Variants in CREBBP observed in about 807,000 individuals in gnomAD.
CREBBP encodes the protein CREB binding lysine acetyltransferase.
Under a neutral mutation model 265.0 loss-of-function variants are expected in CREBBP, and 19 were observed. That is an observed-to-expected ratio of 0.07 (90% CI 0.05 to 0.11). The LOEUF (loss-of-function observed/expected upper bound fraction) is 0.11. Ranked by LOEUF, CREBBP falls within the 10% of genes least tolerant of loss-of-function variation. The pLI, the probability that CREBBP is intolerant of heterozygous loss-of-function variation, is 1.00. For synonymous variants in CREBBP, 1,457 were observed against 1,223.7 expected, an observed-to-expected ratio of 1.19 and a Z score of -3.98; for missense variants, 2,525 against 3,219.0, an observed-to-expected ratio of 0.78 and a Z score of 5.22.
chr16:3,731,270 C>A lies in CREBBP; in HGVS notation c.5094G>T (p.Gln1698His). ...TLCMLVELHTQGQDRFVYTCN... is the reference protein window; with the variant it reads ...TLCMLVELHTHGQDRFVYTCN... The stretch of plus-strand genomic sequence containing the variant: ...AGGTGTAGACAAAGCGGTCCTGGCC[C>A]TGGGTGTGCAGCTCCACCAGCATGC... Residue 1698 changes from glutamine (Q) to histidine (H), a missense_variant, in exon 30 of 31, where the codon CAG becomes CAT. By Grantham distance (24) the Gln-to-His change is conservative. Transcript: ENST00000262367. This position sits in a 1 kb window ranked among gnomAD's most constrained non-coding sequence, Gnocchi z 7.7. The A allele has an allele frequency of 1.2e-6, 2 of 1,614,204 alleles. No individual in the cohort carries two copies. The highest frequency in any genetic ancestry group is 1.7e-6 in the Non-Finnish European group (2 of 1,180,038).
In CREBBP at chr16:3,838,763, G is replaced by A. The variant is rs139608356; in HGVS notation, c.798+11534C>T. ...AGGATTTTGATCTGTTGCCCGGGCT[G>A]GTGTCAAATTCCTGGCCTAAAGCAA... is the stretch of plus-strand genomic sequence containing the variant. On this transcript the variant is annotated intron_variant, in intron 2 of 30. Transcript: ENST00000262367. Among the ~76,000 whole-genome samples the A allele has an allele frequency of 5.3e-3, 811 of 152,208 alleles. 10 individuals are homozygous for A. The highest frequency in any genetic ancestry group is 0.018 in the African/African-American group (762 of 41,518).
intron 2 of CREBBP, among the ~76,000 whole-genome samples, chr16:3,849,424 T>TGTG (rs2054747198): frequency 6.8e-4 from 5 of 7,402 alleles, no homozygotes; most frequent in African/African-American, 8.1e-4. Context: ...TGTGTGTGTG[T>TGTG]GTGTGTGTGT....
intron 28 of CREBBP, 57 bp downstream of exon 28, chr16:3,735,979 C>T (rs529502565): frequency 3.7e-6 from 6 of 1,613,860 alleles, no homozygotes; most frequent in Non-Finnish European, 5.1e-6. Context: ...TCCCAGCCTG[C>T]CACCCTGCAG....
At chr16:3,820,554 TAGC>T (rs1359386077) in intron 2 of CREBBP, among the ~76,000 whole-genome samples, 1 of 152,216 alleles carries the variant, frequency 6.6e-6, no homozygotes, top group African/African-American at 2.4e-5. Flanking sequence ...ACAAAGTATT[TAGC>T]AACTCTCACT....
At chr16:3,837,385 G>A (rs1335248444) in intron 2 of CREBBP, among the ~76,000 whole-genome samples, 1 of 152,184 alleles carries the variant, frequency 6.6e-6, no homozygotes, top group Non-Finnish European at 1.5e-5. Context: ...GGAGGCCGAG[G>A]CGGGCAGACT....
chr16:3,814,208 T>A (rs2053992658), intron 2 of CREBBP, among the ~76,000 whole-genome samples: 1 of 138,834 alleles, frequency 7.2e-6, no homozygotes, highest in African/African-American at 2.8e-5. Context: ...TGAGACAGAG[T>A]CTCGTTCTGT....
chr16:3,763,758 C>G (rs1458401223), intron 16 of CREBBP, among the ~76,000 whole-genome samples: 1 of 152,182 alleles, frequency 6.6e-6, no homozygotes, highest in Non-Finnish European at 1.5e-5. Context: ...GCCACTGCGC[C>G]CGGCCTGAAA....
intron 21 of CREBBP, chr16:3,745,652 T>TC: frequency 2.2e-6 from 1 of 454,412 alleles, no homozygotes; most frequent in South Asian, 2.1e-5. Flanking sequence ...AAATACATAT[T>TC]TCACAGGCCG....
chr16:3,836,204 G>A (rs1298912628), intron 2 of CREBBP, among the ~76,000 whole-genome samples: 1 of 151,914 alleles, frequency 6.6e-6, no homozygotes, highest in Non-Finnish European at 1.5e-5. Context: ...GGGAGGCTGA[G>A]GTGGGCGGAT....
rs556238782 is a variant in CREBBP at position 3,752,306 on chromosome 16, A to T, written c.3699-500T>A. Among the ~76,000 whole-genome samples, 3 of 152,340 alleles carry T rather than the reference A, an allele frequency of 2.0e-5. No homozygotes were observed. The East Asian group carries it at 5.8e-4, about 29-fold the overall frequency. On this transcript the variant is annotated intron_variant, in intron 19 of 30. Coordinates refer to ENST00000262367, the MANE Select transcript of CREBBP (RefSeq NM_004380.3). ...ACAAAACAGTCTGACAAAAGGCCTT[A>T]AAAAAGCAATTTAAACTGAAATAGC... is the stretch of plus-strand genomic sequence containing the variant.
At chr16:3,743,552 A>G (rs1324512097) in intron 23 of CREBBP, 1 of 152,132 alleles carries the variant, frequency 6.6e-6, no homozygotes, top group Non-Finnish European at 1.5e-5. Flanking sequence ...GGATCTCCTG[A>G]GCAACATGCT....
intron 30 of CREBBP, 123 bp from the exon 31 acceptor site, chr16:3,729,997 A>G (rs2051868552): frequency 6.7e-7 from 1 of 1,499,998 alleles, no homozygotes; most frequent in Non-Finnish European, 9.0e-7. Context: ...AGGATAGGAG[A>G]CCCAGACAGG....
In CREBBP at chr16:3,834,276, A is replaced by G. The variant is rs1470302260; in HGVS notation, c.798+16021T>C. Among the ~76,000 whole-genome samples the G allele has an allele frequency of 2.0e-5, 3 of 152,324 alleles. No homozygotes were observed. The East Asian group carries it at 5.8e-4, about 29-fold the overall frequency. On this transcript the variant is annotated intron_variant, in intron 2 of 30. Coordinates refer to ENST00000262367, the MANE Select transcript of CREBBP (RefSeq NM_004380.3). ...AATTGTGCTCACTGGTATTTACCCA[A>G]AACAGGTAAAAACTTAAACCTGCAC...
chr16:3,873,848 A>C (rs1939555694), intron 1 of CREBBP, among the ~76,000 whole-genome samples: 1 of 152,196 alleles, frequency 6.6e-6, no homozygotes, highest in Non-Finnish European at 1.5e-5. Context: ...TCTGCTTGAA[A>C]GTAAAACCTT....
At chr16:3,835,319 C>A (rs1412395938) in intron 2 of CREBBP, among the ~76,000 whole-genome samples, 1 of 151,896 alleles carries the variant, frequency 6.6e-6, no homozygotes, top group African/African-American at 2.4e-5. Context: ...AGATGACCTG[C>A]GGTTTCCATC....
chr16:3,843,134 G>A (rs887715649), intron 2 of CREBBP, among the ~76,000 whole-genome samples: 6 of 152,002 alleles, frequency 3.9e-5, no homozygotes, highest in Admixed American at 1.3e-4. Flanking sequence ...TAAAACTTAC[G>A]AAAGAACAGG....
chr16:3,832,799 CAT>C (rs2054368935), intron 2 of CREBBP, among the ~76,000 whole-genome samples: 1 of 151,742 alleles, frequency 6.6e-6, no homozygotes, highest in Admixed American at 6.6e-5. Flanking sequence ...GATCCAGTAA[CAT>C]ATAAAAAAGA....
chr16:3,736,452 T>G, intron 27 of CREBBP, 198 bp downstream of exon 27: 1 of 833,070 alleles, frequency 1.2e-6, no homozygotes, highest in Non-Finnish European at 1.9e-6. Context: ...CCAACTGTGC[T>G]GCTCTCAGAC....
At chr16:3,815,736 A>G (rs1017998762) in intron 2 of CREBBP, among the ~76,000 whole-genome samples, 3 of 151,898 alleles carry the variant, frequency 2.0e-5, no homozygotes, top group Admixed American at 6.6e-5. Flanking sequence ...TGCACTGTGT[A>G]ATAATCACAC....
Sources: gnomAD v4.1 joint callset for allele counts (sites outside exome capture counted in the v4.1 genomes callset) on GRCh38, gnomAD v4.1.1 for gene constraint, Gnocchi (gnomAD v3.1) non-coding constraint, MANE v1.5 for transcripts, NCBI Gene and HGNC (gene_info 2026-07-23, HGNC 2026-07-21) for gene names.